STARD5: variants seen among roughly 807,000 people sequenced by gnomAD.
STARD5 encodes the protein StAR related lipid transfer domain containing 5.
A neutral mutation model predicts 24.6 loss-of-function variants in STARD5; 26 were observed. That is an observed-to-expected ratio of 1.06 (90% CI 0.77 to 1.47). The LOEUF is 1.47. Ranked by LOEUF, STARD5 falls within the 40% of genes most tolerant of loss-of-function variation. STARD5 has a pLI of 0.00. For synonymous variants in STARD5, 101 were observed against 99.7 expected (o/e 1.01, Z -0.07); for missense variants, 254 against 270.8 (o/e 0.94, Z 0.44).
At chr15:81,323,973 A>C (rs1596073254) in intron 1 of STARD5, 28 bp downstream of exon 1, 2 of 1,562,728 alleles carry the variant, frequency 1.3e-6, no homozygotes, top group Non-Finnish European at 8.7e-7. Flanking sequence ...CGTCTCCGCG[A>C]CCCCTTCCCG....
intron 2 of STARD5, 22 bp from the exon 3 acceptor site, chr15:81,322,562 G>C: frequency 6.2e-7 from 1 of 1,613,938 alleles, no homozygotes; most frequent in Non-Finnish European, 8.5e-7. Context: ...AAAGGAATTT[G>C]ACCCCAACGC....
rs528651839 is a variant in STARD5 at position 81,323,906 on chromosome 15, A to G, written c.99+95T>C. ...TCGGGTCCAGGGGATTGGGGAGCAG[A>G]AAACAACGGGGAGAGGAGGCGCTTG... On this transcript the variant is annotated intron_variant, in intron 1 of 5. Transcript: ENST00000302824. 97 of 1,321,080 alleles carry G rather than the reference A, an allele frequency of 7.3e-5. 1 individual carries two copies. In the South Asian group the frequency reaches 1.2e-3, roughly 16 times the overall value. The allele number at this position is 1,321,080 out of a possible 1,614,324, so 81.8% of individuals were successfully genotyped here.
rs186405374 is a variant in STARD5, at chr15:81,315,932, G to T, written c.494+2477C>A. ...TAAGACCAAAGTCAGACCATGTCCT[G>T]CTCAGGCCTCCCCAGTGGCTTCCCA... On this transcript the variant is annotated intron_variant, in intron 5 of 5. Coordinates refer to ENST00000302824, the MANE Select transcript of STARD5 (RefSeq NM_181900.3). Among the ~76,000 whole-genome samples, 1,287 of 152,274 alleles carry T rather than the reference G, an allele frequency of 8.5e-3. 10 individuals carry two copies. The highest frequency in any genetic ancestry group is 0.014 in the Non-Finnish European group (967 of 68,024).
At chr15:81,321,983 G>A (rs1893298656) in intron 3 of STARD5, among the ~76,000 whole-genome samples, 1 of 152,228 alleles carries the variant, frequency 6.6e-6, no homozygotes, top group Non-Finnish European at 1.5e-5. Flanking sequence ...GGATGTGTGA[G>A]GATGATGCAT....
rs747506532 is a variant in STARD5, at chr15:81,322,936, C to G, written c.112G>C (p.Val38Leu). The G allele has an allele frequency of 5.0e-6, 8 of 1,614,008 alleles. No homozygotes were observed. Among genetic ancestry groups the G allele is most frequent in the African/African-American group, 1.3e-5 (1 of 74,918 alleles). Residue 38 changes from valine (V) to leucine (L), a missense_variant, in exon 2 of 6, where the codon GTT becomes CTT. Physicochemically the swap from Val to Leu is conservative, Grantham distance 32. Transcript: ENST00000302824. ...KICREGNGVS[V>L]SWRPSVEFPG... Reference sequence around the variant, plus strand: ...AACTCCACAGATGGCCTCCAGGAAACTGAAACTCCATTCTGTCAAAAGGCA... The same window carrying G: ...AACTCCACAGATGGCCTCCAGGAAAGTGAAACTCCATTCTGTCAAAAGGCA...
At chr15:81,313,556 T>G in intron 5 of STARD5, 153 bp from the exon 6 acceptor site, 1 of 597,300 alleles carries the variant, frequency 1.7e-6, no homozygotes, top group African/African-American at 1.9e-5. Context: ...AGGAGTCCTC[T>G]CTGGACCTGC....
At chr15:81,316,379 A>G (rs927170989) in intron 5 of STARD5, among the ~76,000 whole-genome samples, 1 of 152,198 alleles carries the variant, frequency 6.6e-6, no homozygotes, top group African/African-American at 2.4e-5. Flanking sequence ...AAGAGGGCAG[A>G]CACTCTAGCT....
chr15:81,313,540 C>T, intron 5 of STARD5, 137 bp from the exon 6 acceptor site: 1 of 807,998 alleles, frequency 1.2e-6, no homozygotes, highest in Non-Finnish European at 1.8e-6. Context: ...GCTGTGCCCT[C>T]CACCCAGGAG....
intron 2 of STARD5, 25 bp from the exon 3 acceptor site, chr15:81,322,565 C>T (rs1338595049): frequency 6.2e-7 from 1 of 1,613,790 alleles, no homozygotes; most frequent in East Asian, 2.2e-5. Flanking sequence ...GGAATTTGAC[C>T]CCAACGCATC....
rs1214610557 is a variant in STARD5, at chr15:81,322,951, G to T, written c.100-3C>A. ...CTCCAGGAAACTGAAACTCCATTCT[G>T]TCAAAAGGCACAGAACCACAGAATT... On this transcript the variant is annotated splice_region_variant and splice_polypyrimidine_tract_variant and intron_variant, in intron 1 of 5. Transcript: ENST00000302824. 1.2e-6 allele frequency: 2 copies of T among 1,614,024 alleles called. No individual in the cohort carries two copies. The highest frequency in any genetic ancestry group is 1.7e-6 in the Non-Finnish European group (2 of 1,180,012).
chr15:81,319,448 A>C lies in STARD5; in HGVS notation c.291T>G (p.Cys97Trp). Residue 97 changes from cysteine (C) to tryptophan (W), a missense_variant, in exon 4 of 6, where the codon TGT becomes TGG. Cys to Trp is a radical substitution (Grantham distance 215). Transcript: ENST00000302824. ...EIIQSITDTL[C>W]VSRTSTPSAA... Reference sequence around the variant, plus strand: ...CGGAGGGAGTGGAGGTTCTGCTTACACACAGGGTCTGCCAAACCAAAGAAG... The same window carrying C: ...CGGAGGGAGTGGAGGTTCTGCTTACCCACAGGGTCTGCCAAACCAAAGAAG... The C allele has an allele frequency of 6.2e-7, 1 of 1,614,132 alleles. No homozygotes were observed. Among genetic ancestry groups the C allele is most frequent in the Non-Finnish European group, 8.5e-7 (1 of 1,179,984 alleles).
chr15:81,324,017 T>C lies in STARD5; in HGVS notation c.83A>G (p.Lys28Arg), dbSNP rs914695958. The change falls in exon 1 of 6, where the codon AAG (lysine) becomes AGG (arginine). Residue 28 changes from lysine to arginine, a missense_variant. By Grantham distance (26) the Lys-to-Arg change is conservative. Transcript: ENST00000302824. ...CTCACTCACGCCTTCCCGGCAAATC[T>C]TCCAGCCTGCTGTGTCCCGCCGGTA... ...LQYRRDTAGW[K>R]ICREGNGVSV... 1.9e-6 allele frequency: 3 copies of C among 1,602,818 alleles called. No homozygotes were observed. In the African/African-American group the frequency reaches 4.0e-5, roughly 21 times the overall value.
In STARD5 at chr15:81,322,815, T is replaced by G. The variant is rs1893315665; in HGVS notation, c.149+84A>C. 12 of 1,556,690 alleles carry G rather than the reference T, an allele frequency of 7.7e-6. No individual in the cohort carries two copies. The Admixed American group carries it at 1.8e-4, about 24-fold the overall frequency. On this transcript the variant is annotated intron_variant, in intron 2 of 5. Transcript: ENST00000302824. The stretch of plus-strand genomic sequence containing the variant: ...AGTGATCACAGGTTATAGGGTTGAT[T>G]TGAATATTTTAGGAGGCAGGCCCAT...
At chr15:81,323,446 G>A in intron 1 of STARD5, 1 of 376,186 alleles carries the variant, frequency 2.7e-6, no homozygotes, top group South Asian at 2.4e-5. Flanking sequence ...TTACCCTCTG[G>A]CAACGACAAA....
intron 5 of STARD5, among the ~76,000 whole-genome samples, chr15:81,316,304 G>A (rs1901081774): frequency 6.6e-6 from 1 of 152,132 alleles, no homozygotes; most frequent in African/African-American, 2.4e-5. Flanking sequence ...GCACATCCAC[G>A]AGATAGAACT....
At chr15:81,318,971 T>C (rs780195054) in intron 4 of STARD5, among the ~76,000 whole-genome samples, 24 of 152,108 alleles carry the variant, frequency 1.6e-4, no homozygotes, top group Non-Finnish European at 2.9e-4. Flanking sequence ...TGCTCCTCAC[T>C]GGGCATTAAG....
chr15:81,323,531 CAA>C, intron 1 of STARD5: 2 of 798,652 alleles, frequency 2.5e-6, no homozygotes, highest in African/African-American at 3.4e-5. Flanking sequence ...CTGGCAACGA[CAA>C]AGAGAGGGGT....
chr15:81,319,468 A>G lies in STARD5; in HGVS notation c.283-12T>C, dbSNP rs776354613. ...CTTACACACAGGGTCTGCCAAACCA[A>G]AGAAGCATGTAGCTGTGACTGCTGG... is the stretch of plus-strand genomic sequence containing the variant. On this transcript the variant is annotated splice_polypyrimidine_tract_variant and intron_variant, in intron 3 of 5. Transcript: ENST00000302824. 1 of 1,611,200 alleles carries G rather than the reference A, an allele frequency of 6.2e-7. No homozygotes were observed. Among genetic ancestry groups the G allele is most frequent in the Non-Finnish European group, 8.5e-7 (1 of 1,177,340 alleles).
rs147049158 is a variant in STARD5, at chr15:81,319,451, C to A, written c.288G>T (p.Leu96=). 987 of 1,614,076 alleles carry A rather than the reference C, an allele frequency of 6.1e-4. 8 individuals carry two copies. The East Asian group carries it at 0.019, about 31-fold the overall frequency. ...FEIIQSITDT[L]CVSRTSTPSA... is the part of the protein sequence containing the mutation. ...AGGGAGTGGAGGTTCTGCTTACACA[C>A]AGGGTCTGCCAAACCAAAGAAGCAT... The change falls in exon 4 of 6, where the codon CTG becomes CTT. Residue 96 remains leucine, a synonymous_variant. Coordinates refer to ENST00000302824, the MANE Select transcript of STARD5 (RefSeq NM_181900.3).
Sources: gnomAD v4.1 joint callset for allele counts (sites outside exome capture counted in the v4.1 genomes callset) on GRCh38, gnomAD v4.1.1 for gene constraint, MANE v1.5 for transcripts, NCBI Gene and HGNC (gene_info 2026-07-23, HGNC 2026-07-21) for gene names.